The following KIAA0319L variants were observed in gnomAD, a reference collection of about 807,000 sequenced individuals.
The protein encoded by KIAA0319L is dyslexia-associated protein KIAA0319-like protein.
In KIAA0319L, 55 loss-of-function variants were observed where a neutral mutation model predicts 120.1. The ratio of observed to expected loss-of-function variants is 0.46; its 90% CI spans 0.37 to 0.57. The LOEUF (loss-of-function observed/expected upper bound fraction) is 0.57, where lower values mean the gene tolerates loss of function less well. Ranked by LOEUF, KIAA0319L falls within the 20% of genes least tolerant of loss-of-function variation. KIAA0319L has a pLI of 0.00. For missense variants in KIAA0319L, 1,049 were observed against 1,255.3 expected (o/e 0.84, Z 2.48); for synonymous variants, 398 against 471.9 (o/e 0.84, Z 2.03).
chr1:35,555,060 C>T (rs1200366299), intron 1 of KIAA0319L: 1 of 152,160 alleles, frequency 6.6e-6, no homozygotes, highest in Non-Finnish European at 1.5e-5. Flanking sequence ...AAAATCTATT[C>T]AATTTACACC....
rs1641332195 is a variant in KIAA0319L, at chr1:35,442,899, A to AACTC, written c.2779+3_2779+6dup. 1 of 1,614,018 alleles carries AACTC rather than the reference A, an allele frequency of 6.2e-7. No homozygotes were observed. Among genetic ancestry groups the AACTC allele is most frequent in the Non-Finnish European group, 8.5e-7 (1 of 1,180,016 alleles). Reference sequence around the variant, plus strand: ...CAGGCTGGCACTGTGCCACATAGAAAACTCACCACAGTTGCTGTCTCCATC... The same window carrying AACTC: ...CAGGCTGGCACTGTGCCACATAGAAAACTCACTCACCACAGTTGCTGTCTCCATC... On this transcript the variant is annotated splice_region_variant and intron_variant, in intron 18 of 20. Coordinates refer to ENST00000325722, the MANE Select transcript of KIAA0319L (RefSeq NM_024874.5).
At chr1:35,521,906 G>A (rs2148445333) in intron 2 of KIAA0319L, among the ~76,000 whole-genome samples, 1 of 152,088 alleles carries the variant, frequency 6.6e-6, no homozygotes, top group South Asian at 2.1e-4. Flanking sequence ...CCGGGAGGTG[G>A]AGCTTGCAGT....
At chr1:35,478,485 T>C (rs560850196) in intron 4 of KIAA0319L, among the ~76,000 whole-genome samples, 10 of 152,034 alleles carry the variant, frequency 6.6e-5, no homozygotes, top group Admixed American at 3.9e-4. Context: ...ATGATGTGAT[T>C]ATTACACATT....
At chr1:35,494,134 T>A (rs975928856) in intron 3 of KIAA0319L, among the ~76,000 whole-genome samples, 1 of 152,068 alleles carries the variant, frequency 6.6e-6, no homozygotes, top group African/African-American at 2.4e-5. Context: ...AAGAACAAAG[T>A]TTTAAACATC....
intron 2 of KIAA0319L, among the ~76,000 whole-genome samples, chr1:35,521,947 T>C (rs980467345): frequency 2.0e-5 from 3 of 151,970 alleles, no homozygotes; most frequent in Non-Finnish European, 4.4e-5. Context: ...CACTCCAACC[T>C]GGGTGACAGA....
intron 2 of KIAA0319L, chr1:35,510,319 C>T (rs2148411479): frequency 1.3e-5 from 2 of 151,674 alleles, no homozygotes; most frequent in South Asian, 4.2e-4. Flanking sequence ...CATCAGAGAA[C>T]TTATTCTAGA....
At chr1:35,552,204 T>C (rs768871773) in intron 2 of KIAA0319L, among the ~76,000 whole-genome samples, 41 of 152,140 alleles carry the variant, frequency 2.7e-4, no homozygotes, top group Non-Finnish European at 5.3e-4. Flanking sequence ...TAGCTGGGTG[T>C]GGTGGCATGC....
At chr1:35,507,189 C>T in intron 2 of KIAA0319L, 54 bp from the exon 3 acceptor site, 2 of 1,484,904 alleles carry the variant, frequency 1.3e-6, no homozygotes, top group Non-Finnish European at 1.8e-6. Flanking sequence ...GAGACTACTG[C>T]TCCATAAAGA....
intron 10 of KIAA0319L, 27 bp downstream of exon 10, chr1:35,455,986 G>GA (rs769104023): frequency 6.4e-7 from 1 of 1,558,818 alleles, no homozygotes; most frequent in Non-Finnish European, 8.8e-7. Context: ...TCTTGGGCAA[G>GA]AAAAAATAGG....
chr1:35,509,146 C>T (rs576295955), intron 2 of KIAA0319L, among the ~76,000 whole-genome samples: 5 of 152,128 alleles, frequency 3.3e-5, no homozygotes, highest in Admixed American at 2.0e-4. Flanking sequence ...CATAACAGGG[C>T]AGTTGCTAAA....
intron 2 of KIAA0319L, among the ~76,000 whole-genome samples, chr1:35,507,525 C>G (rs992350026): frequency 2.6e-5 from 4 of 152,172 alleles, no homozygotes; most frequent in African/African-American, 9.7e-5. Context: ...CTGATGACCT[C>G]CCACTCACCT....
At chr1:35,496,450 A>G (rs889650769) in intron 3 of KIAA0319L, among the ~76,000 whole-genome samples, 2 of 152,174 alleles carry the variant, frequency 1.3e-5, no homozygotes, top group South Asian at 2.1e-4. Context: ...AAAACATACA[A>G]TGTAATCCAG....
At chr1:35,444,135 G>A in intron 17 of KIAA0319L, 26 bp downstream of exon 17, 2 of 1,569,714 alleles carry the variant, frequency 1.3e-6, no homozygotes, top group East Asian at 4.6e-5. Context: ...GTAGGCTCTT[G>A]CTCCCAAATT....
chr1:35,552,889 T>C (rs1412022965), intron 2 of KIAA0319L, among the ~76,000 whole-genome samples: 1 of 152,122 alleles, frequency 6.6e-6, no homozygotes, highest in African/African-American at 2.4e-5. Flanking sequence ...GTGGCCAACA[T>C]GGCAAAACTC....
In KIAA0319L at chr1:35,453,163, T is replaced by C. The variant is rs774456561; in HGVS notation, c.1913+394A>G. Among the ~76,000 whole-genome samples, 1 of 152,220 alleles carries C rather than the reference T, an allele frequency of 6.6e-6. No individual in the cohort carries two copies. Among genetic ancestry groups the C allele is most frequent in the Non-Finnish European group, 1.5e-5 (1 of 68,046 alleles). Reference sequence around the variant, plus strand: ...TTTCATTTTATGGATGTATTTTCAATTTCTCTTAATAGCTGCTCTGCCCCA... The same window carrying C: ...TTTCATTTTATGGATGTATTTTCAACTTCTCTTAATAGCTGCTCTGCCCCA... On this transcript the variant is annotated intron_variant, in intron 12 of 20. Coordinates refer to ENST00000325722, the MANE Select transcript of KIAA0319L (RefSeq NM_024874.5). This position sits in a 1 kb window ranked among gnomAD's most constrained non-coding sequence, Gnocchi z 4.1.
intron 5 of KIAA0319L, among the ~76,000 whole-genome samples, chr1:35,474,333 G>A (rs1226454711): frequency 5.9e-5 from 9 of 152,150 alleles, no homozygotes; most frequent in Admixed American, 5.9e-4. Context: ...TCAATAAAAT[G>A]GGGATAATAA....
At position 35,482,159 on chromosome 1, in the gene KIAA0319L, G is replaced by C. The variant is rs182437552; in HGVS notation, c.667-2947C>G. Among the ~76,000 whole-genome samples, 6 of 151,812 alleles carry C rather than the reference G, an allele frequency of 4.0e-5. No individual in the cohort carries two copies. In the East Asian group the frequency reaches 7.8e-4, roughly 20 times the overall value. On this transcript the variant is annotated intron_variant, in intron 3 of 20. Transcript: ENST00000325722. Reference sequence around the variant, plus strand: ...TTCTATAGTTTGCATTTCCTAAAAGGTTCTATAAATGGAATCACAAAGTAA... The same window carrying C: ...TTCTATAGTTTGCATTTCCTAAAAGCTTCTATAAATGGAATCACAAAGTAA...
rs1376498877 is a variant in KIAA0319L at position 35,551,413 on chromosome 1, G to A, written c.142+2937C>T. On this transcript the variant is annotated intron_variant, in intron 2 of 20. Transcript: ENST00000325722. ...ATTCACTGCAACCCCCGCCTCCCGG[G>A]TTCAAGCGATTCTCCTGCCTCAGCC... is the stretch of plus-strand genomic sequence containing the variant. Among the ~76,000 whole-genome samples, 4 of 152,158 alleles carry A rather than the reference G, an allele frequency of 2.6e-5. No homozygotes were observed. The East Asian group carries it at 5.8e-4, about 22-fold the overall frequency.
chr1:35,550,860 C>T (rs1308554336), intron 2 of KIAA0319L, among the ~76,000 whole-genome samples: 1 of 152,128 alleles, frequency 6.6e-6, no homozygotes, highest in Non-Finnish European at 1.5e-5. Flanking sequence ...TGCCACCACA[C>T]CCAGCTTTTC....
Sources: allele counts gnomAD v4.1 joint callset (sites outside exome capture counted in the v4.1 genomes callset), GRCh38; gene constraint gnomAD v4.1.1; non-coding constraint Gnocchi (gnomAD v3.1); transcripts MANE v1.5; gene names NCBI Gene and HGNC (gene_info 2026-07-23, HGNC 2026-07-21).